The following CADM2 variants were observed in gnomAD, a reference collection of about 807,000 sequenced individuals.
The protein encoded by CADM2 is cell adhesion molecule 2, also known as immunoglobulin superfamily member 4D.
In CADM2, 12 loss-of-function variants were observed where a neutral mutation model predicts 49.8. That is an observed-to-expected ratio of 0.24 (90% confidence interval 0.15 to 0.39). The LOEUF (loss-of-function observed/expected upper bound fraction) is 0.39, where lower values mean the gene tolerates loss of function less well. Ranked by LOEUF, CADM2 falls within the 10% of genes least tolerant of loss-of-function variation. The pLI, the probability that CADM2 is intolerant of heterozygous loss-of-function variation, is 1.00. For missense variants in CADM2, 378 were observed against 492.3 expected, an observed-to-expected ratio of 0.77 and a Z score of 2.20; for synonymous variants, 214 against 175.4, an observed-to-expected ratio of 1.22 and a Z score of -1.74.
intron 1 of CADM2, among the ~76,000 whole-genome samples, chr3:85,515,647 T>C (rs2060883856): frequency 6.9e-6 from 1 of 145,086 alleles, no homozygotes. Flanking sequence ...TTTTTTTGTA[T>C]CTTTAGTAGA....
chr3:84,972,242 T>G (rs575740300), intron 1 of CADM2, among the ~76,000 whole-genome samples: 1 of 152,344 alleles, frequency 6.6e-6, no homozygotes, highest in East Asian at 1.9e-4. Context: ...AACTTATGGA[T>G]GATTGCAAAC....
At chr3:85,307,140 T>C (rs1377642186) in intron 1 of CADM2, among the ~76,000 whole-genome samples, 2 of 151,650 alleles carry the variant, frequency 1.3e-5, no homozygotes, top group Non-Finnish European at 3.0e-5. Flanking sequence ...TTCAAATGTA[T>C]ATATTAATTT....
chr3:85,953,472 A>T (rs1448329390), intron 7 of CADM2, among the ~76,000 whole-genome samples: 4 of 150,838 alleles, frequency 2.7e-5, no homozygotes, highest in Non-Finnish European at 6.0e-5. Flanking sequence ...TTAGACTCCT[A>T]TTGAGTTGGT....
At chr3:85,475,756 A>G (rs962201388) in intron 1 of CADM2, among the ~76,000 whole-genome samples, 1 of 151,942 alleles carries the variant, frequency 6.6e-6, no homozygotes, top group Admixed American at 6.6e-5. Context: ...AACAAAACTT[A>G]ATTTCTAAGA....
chr3:85,601,037 T>A (rs1018454861), intron 1 of CADM2, among the ~76,000 whole-genome samples: 2 of 149,466 alleles, frequency 1.3e-5, no homozygotes, highest in African/African-American at 4.9e-5. Flanking sequence ...TATGTATATA[T>A]TCATATACAT....
intron 8 of CADM2, among the ~76,000 whole-genome samples, chr3:86,057,514 A>C (rs1738133772): frequency 6.6e-6 from 1 of 152,190 alleles, no homozygotes; most frequent in Non-Finnish European, 1.5e-5. Flanking sequence ...TAGCATAAGA[A>C]TTTAATATTA....
chr3:85,155,205 C>A (rs1171931896), intron 1 of CADM2, among the ~76,000 whole-genome samples: 1 of 149,890 alleles, frequency 6.7e-6, no homozygotes, highest in African/African-American at 2.5e-5. Context: ...ATCTCACGTG[C>A]AGAGACACAC....
At chr3:85,669,381 G>T (rs1026330080) in intron 1 of CADM2, among the ~76,000 whole-genome samples, 1 of 152,068 alleles carries the variant, frequency 6.6e-6, no homozygotes. Flanking sequence ...AGGAGAAAAA[G>T]GTTAAAGGTC....
chr3:85,961,433 A>T (rs768771561), intron 7 of CADM2, 36 bp from the exon 8 acceptor site: 3 of 1,470,968 alleles, frequency 2.0e-6, no homozygotes, highest in East Asian at 4.7e-5. Flanking sequence ...AACATTTCTT[A>T]TTTTTGCTAT....
intron 1 of CADM2, among the ~76,000 whole-genome samples, chr3:85,145,312 A>G (rs1204354622): frequency 1.3e-5 from 2 of 152,192 alleles, no homozygotes; most frequent in Non-Finnish European, 1.5e-5. Flanking sequence ...TTTTACAACA[A>G]TGCCATGCAC....
In CADM2 at chr3:85,584,213, C is replaced by G. The variant is rs546868335; in HGVS notation, c.62-142309C>G. On this transcript the variant is annotated intron_variant, in intron 1 of 9. Transcript: ENST00000383699. ...AATATTTAATGATCTTTAAGAGCCT[C>G]ACATTTTAAATAAAAACCAAGAAAA... Among the ~76,000 whole-genome samples, 7 of 152,004 alleles carry G rather than the reference C, an allele frequency of 4.6e-5. No individual in the cohort carries two copies. In the South Asian group the frequency reaches 1.5e-3, roughly 32 times the overall value.
intron 1 of CADM2, among the ~76,000 whole-genome samples, chr3:85,701,917 A>C (rs1329052641): frequency 1.3e-5 from 2 of 152,020 alleles, no homozygotes; most frequent in Non-Finnish European, 2.9e-5. Context: ...AGATATAAAG[A>C]AAAAGGAAGA....
intron 4 of CADM2, among the ~76,000 whole-genome samples, chr3:85,884,828 G>A (rs545333123): frequency 1.7e-4 from 26 of 149,914 alleles, no homozygotes; most frequent in South Asian, 1.5e-3. Flanking sequence ...AAGTTCAAGC[G>A]ATTCTCCTGC....
intron 1 of CADM2, among the ~76,000 whole-genome samples, chr3:85,231,707 C>CTTT (rs754139147): frequency 7.6e-6 from 1 of 130,726 alleles, no homozygotes; most frequent in Non-Finnish European, 1.7e-5. Context: ...AGTTTCCTTT[C>CTTT]TTTTTTTTTT....
chr3:85,572,838 A>G, intron 1 of CADM2, among the ~76,000 whole-genome samples: 1 of 152,152 alleles, frequency 6.6e-6, no homozygotes, highest in Non-Finnish European at 1.5e-5. Context: ...CACACTGAAG[A>G]TAGATCTTCC....
At chr3:85,079,467 A>G (rs2037076213) in intron 1 of CADM2, among the ~76,000 whole-genome samples, 1 of 151,854 alleles carries the variant, frequency 6.6e-6, no homozygotes, top group Non-Finnish European at 1.5e-5. Context: ...AAACTATATT[A>G]TCTATTTTTC....
intron 1 of CADM2, among the ~76,000 whole-genome samples, chr3:85,558,135 A>G (rs66499081): frequency 0.51 from 77,745 of 151,750 alleles, 22,995 homozygotes; most frequent in East Asian, 0.85. Flanking sequence ...GTAAGAGAGA[A>G]AGGCGTTATG....
At chr3:86,029,846 T>C (rs1281779980) in intron 8 of CADM2, among the ~76,000 whole-genome samples, 3 of 152,000 alleles carry the variant, frequency 2.0e-5, no homozygotes, top group African/African-American at 7.2e-5. Context: ...ATCAAAATTG[T>C]TATATGAGTC....
At chr3:85,356,199 G>A (rs1300560489) in intron 1 of CADM2, among the ~76,000 whole-genome samples, 1 of 151,920 alleles carries the variant, frequency 6.6e-6, no homozygotes, top group Non-Finnish European at 1.5e-5. Context: ...GAAAGAGTGA[G>A]GTAGGTAAGA....
Sources: gnomAD v4.1 joint callset for allele counts (sites outside exome capture counted in the v4.1 genomes callset) on GRCh38, gnomAD v4.1.1 for gene constraint, MANE v1.5 for transcripts, NCBI Gene and HGNC (gene_info 2026-07-23, HGNC 2026-07-21) for gene names.